Variants in CMTM4 observed in about 807,000 individuals in gnomAD.
CMTM4 encodes CKLF like MARVEL transmembrane domain containing 4.
In CMTM4, 8 loss-of-function variants were observed where a neutral mutation model predicts 19.0. The observed-to-expected ratio is 0.42, with a 90% CI of 0.25 to 0.76. The LOEUF (loss-of-function observed/expected upper bound fraction) is 0.76, where lower values mean the gene tolerates loss of function less well. Ranked by LOEUF, CMTM4 falls within the 30% of genes least tolerant of loss-of-function variation. The pLI is 0.27. For synonymous variants in CMTM4, 106 were observed against 121.1 expected (o/e 0.88, Z 0.82); for missense variants, 228 against 290.2 (o/e 0.79, Z 1.56).
intron 1 of CMTM4, among the ~76,000 whole-genome samples, chr16:66,679,097 TA>T (rs577591880): frequency 5.2e-3 from 709 of 136,208 alleles, no homozygotes; most frequent in Middle Eastern, 7.6e-3. Context: ...AGACTCCATC[TA>T]AAAAAAAAAA....
Position 66,636,385 on chromosome 16 carries a change from G to C in CMTM4, c.363+20C>G. 1 of 1,605,938 alleles carries C rather than the reference G, an allele frequency of 6.2e-7. No individual in the cohort carries two copies. Among genetic ancestry groups the C allele is most frequent in the Non-Finnish European group, 8.5e-7 (1 of 1,173,460 alleles). Reference sequence around the variant, plus strand: ...CAGGCACGTGATCCTTTCATGGCCAGAGTGGCCGCTTGTACTCACTGTCAG... The same window carrying C: ...CAGGCACGTGATCCTTTCATGGCCACAGTGGCCGCTTGTACTCACTGTCAG... On this transcript the variant is annotated intron_variant, in intron 2 of 3. Transcript: ENST00000394106.
At chr16:66,638,050 A>G (rs1429119369) in intron 1 of CMTM4, among the ~76,000 whole-genome samples, 2 of 152,070 alleles carry the variant, frequency 1.3e-5, no homozygotes, top group African/African-American at 2.4e-5. Flanking sequence ...ATGCTTTCCA[A>G]TGCTCCACTT....
At chr16:66,660,968 C>T (rs2016490351) in intron 1 of CMTM4, among the ~76,000 whole-genome samples, 1 of 152,158 alleles carries the variant, frequency 6.6e-6, no homozygotes, top group African/African-American at 2.4e-5. Context: ...CCCGAACAGA[C>T]ACTCAGGAAA....
intron 1 of CMTM4, among the ~76,000 whole-genome samples, chr16:66,656,087 A>G (rs570983344): frequency 6.6e-6 from 1 of 152,338 alleles, no homozygotes; most frequent in South Asian, 2.1e-4. Context: ...CCTGGGCAAC[A>G]GAGCACAGTA....
intron 1 of CMTM4, among the ~76,000 whole-genome samples, chr16:66,639,781 G>C (rs1286165164): frequency 6.6e-6 from 1 of 152,146 alleles, no homozygotes; most frequent in Non-Finnish European, 1.5e-5. Flanking sequence ...ACATCAAAAG[G>C]CTGAGGTGGG....
chr16:66,617,877 G>C lies in CMTM4; in HGVS notation c.*4181C>G, dbSNP rs1429061877. 1 of 988,408 alleles carries C rather than the reference G, an allele frequency of 1.0e-6. No individual in the cohort carries two copies. Among genetic ancestry groups the C allele is most frequent in the Non-Finnish European group, 1.2e-6 (1 of 832,098 alleles). 61.2% of individuals were successfully genotyped at this position (988,408 alleles called of 1,614,324 possible). ...CCCAGCATCCCACTCTTGCCCTCAA[G>C]CTGACTGTGGAACGCGAGACAGCTT... On this transcript the variant is annotated 3_prime_UTR_variant, in exon 4 of 4. Transcript: ENST00000394106.
chr16:66,663,362 C>T (rs532752557), intron 1 of CMTM4, among the ~76,000 whole-genome samples: 1 of 152,036 alleles, frequency 6.6e-6, no homozygotes, highest in East Asian at 1.9e-4. Context: ...CAAGATTAGC[C>T]AGGCATGGTG....
At chr16:66,656,792 T>C (rs1242169985) in intron 1 of CMTM4, among the ~76,000 whole-genome samples, 3 of 152,074 alleles carry the variant, frequency 2.0e-5, no homozygotes, top group Non-Finnish European at 4.4e-5. Flanking sequence ...GTCCCTTCTG[T>C]GGTGTTCCCG....
chr16:66,624,691 C>A (rs375077301), intron 2 of CMTM4, among the ~76,000 whole-genome samples: 1 of 152,156 alleles, frequency 6.6e-6, no homozygotes, highest in East Asian at 1.9e-4. Flanking sequence ...CACTTGAACC[C>A]GGGAGGCAGA....
chr16:66,676,602 T>C (rs1373206034), intron 1 of CMTM4, among the ~76,000 whole-genome samples: 1 of 152,202 alleles, frequency 6.6e-6, no homozygotes, highest in African/African-American at 2.4e-5. Flanking sequence ...TCTAAAACTC[T>C]TGAGTTTCTG....
chr16:66,688,813 T>C (rs907871584), intron 1 of CMTM4, among the ~76,000 whole-genome samples: 2 of 152,240 alleles, frequency 1.3e-5, no homozygotes, highest in African/African-American at 2.4e-5. Flanking sequence ...ATCTTTGATT[T>C]CTTACTTCAG....
intron 2 of CMTM4, among the ~76,000 whole-genome samples, chr16:66,631,245 C>G (rs868187956): frequency 4.2e-5 from 6 of 142,396 alleles, no homozygotes; most frequent in African/African-American, 1.1e-4. Flanking sequence ...CCAGCCGCCC[C>G]GTCCAGGAGG....
chr16:66,617,713 T>C lies in CMTM4; in HGVS notation c.*4345A>G, dbSNP rs1252605790. ...GATTCTACAAAGCGCCAGGGAAGTT[T>C]ACAAAGCTAAAAGCTGAGGGTGTCA... On this transcript the variant is annotated 3_prime_UTR_variant, in exon 4 of 4. Coordinates refer to ENST00000394106, the MANE Select transcript of CMTM4 (RefSeq NM_181521.3). The C allele has an allele frequency of 9.6e-7, 1 of 1,043,160 alleles. No homozygotes were observed. The highest frequency in any genetic ancestry group is 3.2e-5 in the South Asian group (1 of 30,874). The allele number at this position is 1,043,160 out of a possible 1,614,324, so 64.6% of individuals were successfully genotyped here. A position where few individuals can be genotyped will look rare whatever the true frequency, so the allele number is the denominator to read the frequency against.
At chr16:66,634,228 T>A (rs1453305025) in intron 2 of CMTM4, among the ~76,000 whole-genome samples, 1 of 152,006 alleles carries the variant, frequency 6.6e-6, no homozygotes, top group African/African-American at 2.4e-5. Flanking sequence ...TCACCTGAGG[T>A]CAGGTGTTTG....
chr16:66,683,169 A>ATATATATG (rs1567432172), intron 1 of CMTM4, among the ~76,000 whole-genome samples: 134 of 84,350 alleles, frequency 1.6e-3, no homozygotes, highest in Middle Eastern at 7.2e-3. Flanking sequence ...ACGTATATAT[A>ATATATATG]TATATACATA....
rs567899587 is a variant in CMTM4 at position 66,636,200 on chromosome 16, G to T, written c.363+205C>A. ...AGGTGGCCAAAATAATTGTTATGAT[G>T]TTTCTCCCATTAGTTAAGATTCAGT... On this transcript the variant is annotated intron_variant, in intron 2 of 3. Coordinates refer to ENST00000394106, the MANE Select transcript of CMTM4 (RefSeq NM_181521.3). Among the ~76,000 whole-genome samples, 45 of 152,264 alleles carry T rather than the reference G, an allele frequency of 3.0e-4. 1 individual carries two copies. Among genetic ancestry groups the T allele is most frequent in the Middle Eastern group, 3.4e-3 (1 of 294 alleles).
At chr16:66,657,318 G>A (rs1050278927) in intron 1 of CMTM4, among the ~76,000 whole-genome samples, 1 of 151,970 alleles carries the variant, frequency 6.6e-6, no homozygotes, top group East Asian at 1.9e-4. Context: ...GCCAGGCTCC[G>A]GACCTCAGGT....
In CMTM4 at chr16:66,617,969, G is replaced by C; in HGVS notation, c.*4089C>G. 8 of 986,100 alleles carry C rather than the reference G, an allele frequency of 8.1e-6. No individual in the cohort carries two copies. Among genetic ancestry groups the C allele is most frequent in the Non-Finnish European group, 9.6e-6 (8 of 830,422 alleles). The allele number at this position is 986,100 out of a possible 1,614,324, so 61.1% of individuals were successfully genotyped here. A position where few individuals can be genotyped will look rare whatever the true frequency, so the allele number is the denominator to read the frequency against. ...TTTCCAAGACAGCCTGAGCTGTCTA[G>C]TGCTGATAGCAGACAGGTGGGGTGT... On this transcript the variant is annotated 3_prime_UTR_variant, in exon 4 of 4. Coordinates refer to ENST00000394106, the MANE Select transcript of CMTM4 (RefSeq NM_181521.3).
At chr16:66,604,870 C>T in the CMTM4 span, 115 of 1,410,668 alleles carry the variant, frequency 8.2e-5, no homozygotes, top group Non-Finnish European at 1.0e-4. Flanking sequence ...CGTCCCGGCC[C>T]CGCGGTCCCC....
Sources: allele counts gnomAD v4.1 joint callset (sites outside exome capture counted in the v4.1 genomes callset), GRCh38; gene constraint gnomAD v4.1.1; transcripts MANE v1.5; gene names NCBI Gene and HGNC (gene_info 2026-07-23, HGNC 2026-07-21).